The following PARN variants were observed in gnomAD, a reference collection of about 807,000 sequenced individuals.
The protein encoded by PARN is poly(A)-specific ribonuclease, also known as poly(A)-specific ribonuclease PARN.
Under a neutral mutation model 102.8 loss-of-function variants are expected in PARN, and 71 were observed. The ratio of observed to expected loss-of-function variants is 0.69; its 90% CI spans 0.57 to 0.84. The LOEUF is 0.84. Ranked by LOEUF, PARN falls within the 40% of genes least tolerant of loss-of-function variation. The pLI is 0.00. For missense variants in PARN, 782 were observed against 760.9 expected, an observed-to-expected ratio of 1.03 and a Z score of -0.33; for synonymous variants, 261 against 252.9, an observed-to-expected ratio of 1.03 and a Z score of -0.30.
chr16:14,555,915 G>C (rs1355119228), intron 18 of PARN, among the ~76,000 whole-genome samples: 2 of 151,872 alleles, frequency 1.3e-5, no homozygotes, highest in Non-Finnish European at 2.9e-5. Flanking sequence ...GCCCAGGCTG[G>C]CATGCAGTGG....
At chr16:14,571,957 T>C (rs980548149) in intron 18 of PARN, among the ~76,000 whole-genome samples, 1 of 152,222 alleles carries the variant, frequency 6.6e-6, no homozygotes, top group Non-Finnish European at 1.5e-5. Flanking sequence ...ATATTTAAAT[T>C]CAAATGGAAA....
intron 18 of PARN, among the ~76,000 whole-genome samples, chr16:14,564,165 T>C (rs1968281180): frequency 6.6e-6 from 1 of 152,078 alleles, no homozygotes; most frequent in Non-Finnish European, 1.5e-5. Flanking sequence ...AAGCCTAGAG[T>C]ACCAGCGGGA....
At chr16:14,593,791 G>A (rs1970343595) in intron 12 of PARN, among the ~76,000 whole-genome samples, 1 of 152,104 alleles carries the variant, frequency 6.6e-6, no homozygotes, top group Admixed American at 6.6e-5. Context: ...GAGGTCAGTA[G>A]TTCGAGACCA....
At chr16:14,542,149 T>C (rs1966845130) in intron 21 of PARN, among the ~76,000 whole-genome samples, 4 of 151,864 alleles carry the variant, frequency 2.6e-5, no homozygotes. Context: ...GGACTACAGG[T>C]ACATGCCACC....
chr16:14,439,604 T>TA (rs1481970212), intron 23 of PARN, among the ~76,000 whole-genome samples: 7 of 152,194 alleles, frequency 4.6e-5, no homozygotes, highest in African/African-American at 1.2e-4. Flanking sequence ...ATTTGCAACT[T>TA]AGAGTTATGC....
chr16:14,575,976 CTCTCT>C (rs1368828359), intron 18 of PARN: 2 of 153,516 alleles, frequency 1.3e-5, no homozygotes, highest in Non-Finnish European at 2.9e-5. Context: ...CCTGCACAAG[CTCTCT>C]TCTCATCTGC....
chr16:14,501,294 C>CAATAATAATAAT (rs113060340), intron 21 of PARN, among the ~76,000 whole-genome samples: 1 of 142,162 alleles, frequency 7.0e-6, no homozygotes, highest in Non-Finnish European at 1.5e-5. Context: ...AACAAAAAAA[C>CAATAATAATAAT]AATAATAATA....
intron 21 of PARN, among the ~76,000 whole-genome samples, chr16:14,536,186 A>G (rs753598386): frequency 1.3e-5 from 2 of 152,218 alleles, no homozygotes; most frequent in Non-Finnish European, 2.9e-5. Context: ...AGCCATTTAT[A>G]TAACAAAGTC....
intron 23 of PARN, among the ~76,000 whole-genome samples, chr16:14,440,438 G>A (rs1960894440): frequency 6.6e-6 from 1 of 152,152 alleles, no homozygotes; most frequent in South Asian, 2.1e-4. Flanking sequence ...TTGGAAAAGA[G>A]TGTATCAATT....
intron 21 of PARN, among the ~76,000 whole-genome samples, chr16:14,514,334 A>G (rs1329946051): frequency 1.3e-5 from 2 of 151,954 alleles, no homozygotes; most frequent in Non-Finnish European, 2.9e-5. Flanking sequence ...ACAGGTGCCC[A>G]CCACCATGCC....
At chr16:14,544,258 T>C (rs1187265711) in intron 21 of PARN, among the ~76,000 whole-genome samples, 12 of 152,116 alleles carry the variant, frequency 7.9e-5, no homozygotes, top group Admixed American at 7.9e-4. Context: ...TATACACAGA[T>C]AGGTCTAGAA....
intron 21 of PARN, among the ~76,000 whole-genome samples, chr16:14,532,067 AAAATT>A (rs1959246322): frequency 6.6e-6 from 1 of 152,180 alleles, no homozygotes; most frequent in Non-Finnish European, 1.5e-5. Context: ...CCTGTCTTAA[AAAATT>A]AAATTAAATT....
At chr16:14,537,553 G>A (rs1487378215) in intron 21 of PARN, among the ~76,000 whole-genome samples, 1 of 152,162 alleles carries the variant, frequency 6.6e-6, no homozygotes, top group African/African-American at 2.4e-5. Context: ...CAAAAGATGA[G>A]TGGATAAAGA....
chr16:14,442,529 G>A (rs776089341), intron 23 of PARN, among the ~76,000 whole-genome samples: 5 of 152,178 alleles, frequency 3.3e-5, no homozygotes, highest in Non-Finnish European at 7.3e-5. Context: ...AATATTTGCT[G>A]AGTACATAGT....
intron 21 of PARN, among the ~76,000 whole-genome samples, chr16:14,486,458 G>A (rs900551352): frequency 6.6e-6 from 1 of 152,232 alleles, no homozygotes; most frequent in Non-Finnish European, 1.5e-5. Flanking sequence ...CAAAGGTGAT[G>A]ACAGGGTCAC....
chr16:14,616,423 A>C (rs1030387617), intron 6 of PARN, among the ~76,000 whole-genome samples: 5 of 152,214 alleles, frequency 3.3e-5, no homozygotes, highest in Admixed American at 2.0e-4. Flanking sequence ...TCCCATAAGA[A>C]ACTAAGAAAC....
chr16:14,568,210 T>C (rs1968549982), intron 18 of PARN, among the ~76,000 whole-genome samples: 1 of 149,542 alleles, frequency 6.7e-6, no homozygotes, highest in Non-Finnish European at 1.5e-5. Context: ...TTTTTTATTT[T>C]TACCTTTTTT....
At chr16:14,471,922 G>A in intron 22 of PARN, among the ~76,000 whole-genome samples, 1 of 152,142 alleles carries the variant, frequency 6.6e-6, no homozygotes, top group Non-Finnish European at 1.5e-5. Context: ...TCCTTTTTAA[G>A]GCTGATTAAT....
At chr16:14,474,216 G>A (rs978991804) in intron 22 of PARN, among the ~76,000 whole-genome samples, 1 of 152,102 alleles carries the variant, frequency 6.6e-6, no homozygotes, top group African/African-American at 2.4e-5. Context: ...TGTTGCCCAG[G>A]CTGGTCTCGA....
Sources: allele counts gnomAD v4.1 joint callset (sites outside exome capture counted in the v4.1 genomes callset), GRCh38; gene constraint gnomAD v4.1.1; transcripts MANE v1.5; gene names NCBI Gene and HGNC (gene_info 2026-07-23, HGNC 2026-07-21).